The following MSRA variants were observed in gnomAD, a reference collection of about 807,000 sequenced individuals.
The protein encoded by MSRA is mitochondrial peptide methionine sulfoxide reductase.
In MSRA, 54 loss-of-function variants were observed where a neutral mutation model predicts 31.3. The observed-to-expected ratio is 1.73, with a 90% CI of 1.39 to 2.17. The LOEUF (loss-of-function observed/expected upper bound fraction) is 2.17. Ranked by LOEUF, MSRA falls within the 30% of genes most tolerant of loss-of-function variation. The pLI is 0.00. For synonymous variants in MSRA, 169 were observed against 116.5 expected, an observed-to-expected ratio of 1.45 and a Z score of -2.90; for missense variants, 507 against 300.9, an observed-to-expected ratio of 1.69 and a Z score of -5.07.
intron 1 of MSRA, among the ~76,000 whole-genome samples, chr8:10,115,701 A>T (rs1800625386): frequency 6.6e-6 from 1 of 152,140 alleles, no homozygotes; most frequent in African/African-American, 2.4e-5. Context: ...TTCATGATTA[A>T]GGAGGGCCCA....
At position 10,178,496 on chromosome 8, in the gene MSRA, T is replaced by G. The variant is rs543023378; in HGVS notation, c.143-29337T>G. 1.2e-4 allele frequency among the ~76,000 whole-genome samples: 18 copies of G among 152,204 alleles called. No homozygotes were observed. The South Asian group carries it at 3.7e-3, about 32-fold the overall frequency. On this transcript the variant is annotated intron_variant, in intron 1 of 5. Coordinates refer to ENST00000317173, the MANE Select transcript of MSRA (RefSeq NM_012331.5). ...AAGCAGGAAAGTAATTGAAAAAAAC[T>G]GCTATCATCCATATTGCTAATTTTA...
chr8:10,141,534 A>G (rs1167140047), intron 1 of MSRA, among the ~76,000 whole-genome samples: 1 of 152,156 alleles, frequency 6.6e-6, no homozygotes, highest in Non-Finnish European at 1.5e-5. Flanking sequence ...AAAGAAACCC[A>G]CTCAGAGAAC....
At chr8:10,118,330 G>C (rs1800835277) in intron 1 of MSRA, among the ~76,000 whole-genome samples, 1 of 152,096 alleles carries the variant, frequency 6.6e-6, no homozygotes, top group South Asian at 2.1e-4. Context: ...GTGAACCATG[G>C]GAAGTGCTAT....
At chr8:10,130,917 A>C (rs758967141) in intron 1 of MSRA, among the ~76,000 whole-genome samples, 15 of 152,288 alleles carry the variant, frequency 9.8e-5, no homozygotes, top group Non-Finnish European at 2.1e-4. Context: ...TAAAGCCAGG[A>C]TATAAAACCT....
rs928281034 is a variant in MSRA at position 10,207,755 on chromosome 8, T to C, written c.143-78T>C. Reference sequence around the variant, plus strand: ...TTAACTCAAAGGAGAAATAGGCTCATTGACACATTTAATGACATGTGTTAG... The same window carrying C: ...TTAACTCAAAGGAGAAATAGGCTCACTGACACATTTAATGACATGTGTTAG... On this transcript the variant is annotated intron_variant, in intron 1 of 5. Coordinates refer to ENST00000317173, the MANE Select transcript of MSRA (RefSeq NM_012331.5). 17 of 1,292,504 alleles carry C rather than the reference T, an allele frequency of 1.3e-5. 1 individual carries two copies. The South Asian group carries it at 2.3e-4, about 18-fold the overall frequency. 80.1% of individuals were successfully genotyped at this position (1,292,504 alleles called of 1,614,324 possible).
chr8:10,106,483 A>G (rs1314579253), intron 1 of MSRA, among the ~76,000 whole-genome samples: 2 of 152,328 alleles, frequency 1.3e-5, no homozygotes. Context: ...GTATATGAAA[A>G]TAATGACTGT....
At chr8:10,213,263 T>C (rs1388854826) in intron 2 of MSRA, among the ~76,000 whole-genome samples, 1 of 152,018 alleles carries the variant, frequency 6.6e-6, no homozygotes. Flanking sequence ...TTGTTTTGAT[T>C]TTTAGATCCC....
intron 5 of MSRA, among the ~76,000 whole-genome samples, chr8:10,327,620 A>G (rs1256425477): frequency 6.6e-6 from 1 of 152,084 alleles, no homozygotes; most frequent in Non-Finnish European, 1.5e-5. Context: ...GCGGGGAGGA[A>G]GAAGACAGTG....
chr8:10,356,396 A>G (rs1804508075), intron 5 of MSRA, among the ~76,000 whole-genome samples: 1 of 152,204 alleles, frequency 6.6e-6, no homozygotes, highest in Non-Finnish European at 1.5e-5. Context: ...TAGTCCCCCT[A>G]AGAGCCTCTC....
chr8:10,406,021 C>T (rs1807794198), intron 5 of MSRA, among the ~76,000 whole-genome samples: 1 of 152,268 alleles, frequency 6.6e-6, no homozygotes, highest in South Asian at 2.1e-4. Context: ...GGTAGGGCTG[C>T]CTGCAGTGAG....
intron 3 of MSRA, among the ~76,000 whole-genome samples, chr8:10,288,219 T>A (rs1800040923): frequency 6.6e-6 from 1 of 152,196 alleles, no homozygotes; most frequent in Non-Finnish European, 1.5e-5. Context: ...TTTTAGACAT[T>A]TCTCTCTTGT....
rs115581853 is a variant in MSRA at position 10,393,797 on chromosome 8, T to C, written c.544-34351T>C. 2.1e-3 allele frequency among the ~76,000 whole-genome samples: 321 copies of C among 152,346 alleles called. 5 individuals carry two copies. The highest frequency in any genetic ancestry group is 7.3e-3 in the African/African-American group (304 of 41,586). On this transcript the variant is annotated intron_variant, in intron 5 of 5. Coordinates refer to ENST00000317173, the MANE Select transcript of MSRA (RefSeq NM_012331.5). Reference sequence around the variant, plus strand: ...GGCTAATAGGTGAGCATGCATTGAATTGAGACAGTTTTGTGACTATCCCCT... The same window carrying C: ...GGCTAATAGGTGAGCATGCATTGAACTGAGACAGTTTTGTGACTATCCCCT...
chr8:10,214,982 G>A (rs181388652), intron 2 of MSRA, among the ~76,000 whole-genome samples: 73 of 152,316 alleles, frequency 4.8e-4, no homozygotes, highest in African/African-American at 1.7e-3. Flanking sequence ...GTGCAGCCAC[G>A]TTGACCTGGG....
intron 1 of MSRA, among the ~76,000 whole-genome samples, chr8:10,133,705 A>C (rs1802064503): frequency 6.6e-6 from 1 of 152,236 alleles, no homozygotes; most frequent in Non-Finnish European, 1.5e-5. Flanking sequence ...GGCCTGGCAC[A>C]GGGGAAGTGC....
chr8:10,233,395 T>G (rs541616215), intron 2 of MSRA, among the ~76,000 whole-genome samples: 1 of 152,314 alleles, frequency 6.6e-6, no homozygotes, highest in African/African-American at 2.4e-5. Context: ...AAATATAAAT[T>G]GACTCGAGTT....
At chr8:10,212,560 C>A (rs1021454785) in intron 2 of MSRA, among the ~76,000 whole-genome samples, 7 of 152,174 alleles carry the variant, frequency 4.6e-5, no homozygotes, top group Admixed American at 4.6e-4. Context: ...TTGTTGTGTT[C>A]TTCCTGAATA....
chr8:10,394,227 A>G (rs562113466), intron 5 of MSRA, among the ~76,000 whole-genome samples: 3 of 152,366 alleles, frequency 2.0e-5, no homozygotes, highest in African/African-American at 7.2e-5. Context: ...TAGCGAAACC[A>G]AAGTTAATAC....
At chr8:10,160,067 C>A (rs981745875) in intron 1 of MSRA, among the ~76,000 whole-genome samples, 1 of 152,172 alleles carries the variant, frequency 6.6e-6, no homozygotes, top group African/African-American at 2.4e-5. Flanking sequence ...TTCTTCTTTT[C>A]ATTTTTTACA....
At chr8:10,263,825 G>A (rs142959472) in intron 3 of MSRA, among the ~76,000 whole-genome samples, 2 of 152,308 alleles carry the variant, frequency 1.3e-5, no homozygotes, top group Non-Finnish European at 2.9e-5. Flanking sequence ...TATTTGAAGT[G>A]AATGCTAGAA....
Sources: gnomAD v4.1 joint callset for allele counts (sites outside exome capture counted in the v4.1 genomes callset) on GRCh38, gnomAD v4.1.1 for gene constraint, MANE v1.5 for transcripts, NCBI Gene and HGNC (gene_info 2026-07-23, HGNC 2026-07-21) for gene names.